Variants in PALM observed in about 807,000 individuals in gnomAD.
The protein encoded by PALM is paralemmin, also known as paralemmin-1.
In PALM, 18 loss-of-function variants were observed where a neutral mutation model predicts 30.7. That is an observed-to-expected ratio of 0.59 (90% CI 0.41 to 0.87). The LOEUF (loss-of-function observed/expected upper bound fraction) is 0.87. Ranked by LOEUF, PALM falls within the 40% of genes least tolerant of loss-of-function variation. The pLI is 0.00. For synonymous variants in PALM, 286 were observed against 242.8 expected (o/e 1.18, Z -1.66); for missense variants, 529 against 555.4 (o/e 0.95, Z 0.48).
In PALM at chr19:746,731, C is replaced by G; in HGVS notation, c.1081C>G (p.Gln361Glu). ...PTEAASREENQAGPEATTSDP... is the reference protein window; with the variant it reads ...PTEAASREENEAGPEATTSDP... ...GGAGGCCGCCTCCAGGGAAGAGAAT[C>G]AGGCGGGGCCCGAGGCCACCACCAG... Residue 361 changes from glutamine (Q) to glutamate (E), a missense_variant, in exon 9 of 9, where the codon CAG (glutamine) becomes GAG (glutamate). Physicochemically the swap from Gln to Glu is conservative, Grantham distance 29. Coordinates refer to ENST00000338448, the MANE Select transcript of PALM (RefSeq NM_002579.3). This position sits in a 1 kb window ranked among gnomAD's most constrained non-coding sequence, Gnocchi z 7.1. 1 of 1,603,698 alleles carries G rather than the reference C, an allele frequency of 6.2e-7. No individual in the cohort carries two copies.
rs142619819 is a variant in PALM, at chr19:746,586, C to A, written c.936C>A (p.Ala312=). The change falls in exon 9 of 9, where the codon GCC becomes GCA. Residue 312 remains alanine, a synonymous_variant. Transcript: ENST00000338448. The surrounding 1 kb of genome is among the most constrained non-coding windows in gnomAD (Gnocchi z 7.1). The part of the protein sequence containing the change: ...FMGYQNVEDE[A]ETKKVLGLQD... ...GTTACCAGAACGTGGAGGATGAGGC[C>A]GAGACCAAGAAGGTGCTGGGCCTTC... 2 of 1,613,380 alleles carry A rather than the reference C, an allele frequency of 1.2e-6. No individual in the cohort carries two copies.
intron 4 of PALM, among the ~76,000 whole-genome samples, chr19:728,481 C>A (rs527462864): frequency 2.0e-5 from 3 of 152,256 alleles, no homozygotes; most frequent in East Asian, 1.9e-4. Context: ...TGGGGGTGTT[C>A]GGGATGGACT....
rs1190614621 is a variant in PALM at position 746,243 on chromosome 19, C to T, written c.635-42C>T. The T allele has an allele frequency of 6.4e-7, 1 of 1,568,380 alleles. No individual in the cohort carries two copies. Among genetic ancestry groups the T allele is most frequent in the Middle Eastern group, 1.7e-4 (1 of 5,904 alleles). On this transcript the variant is annotated intron_variant, in intron 8 of 8. Transcript: ENST00000338448. This position sits in a 1 kb window ranked among gnomAD's most constrained non-coding sequence, Gnocchi z 7.1. ...AGCCAGGTCACTCTCTCTGTCCCTCCTGCCTGGAGCTGGGTCATTCTCTCT... is the reference window on the plus strand; with the variant it reads ...AGCCAGGTCACTCTCTCTGTCCCTCTTGCCTGGAGCTGGGTCATTCTCTCT...
intron 5 of PALM, among the ~76,000 whole-genome samples, chr19:733,746 G>A (rs996325354): frequency 3.3e-5 from 5 of 152,192 alleles, no homozygotes; most frequent in African/African-American, 9.7e-5. Flanking sequence ...CGGCACTTTG[G>A]GAGGCCGAGG....
intron 1 of PALM, among the ~76,000 whole-genome samples, chr19:715,875 A>G (rs1290864384): frequency 6.6e-6 from 1 of 152,104 alleles, no homozygotes; most frequent in Admixed American, 6.6e-5. Context: ...GCCCACAGGG[A>G]CGGGGCTCCC....
intron 1 of PALM, among the ~76,000 whole-genome samples, chr19:723,503 C>A (rs2032562719): frequency 6.6e-6 from 1 of 152,254 alleles, no homozygotes; most frequent in South Asian, 2.1e-4. Flanking sequence ...GCTGCAACAG[C>A]CTTGGAAGCC....
intron 7 of PALM, among the ~76,000 whole-genome samples, chr19:738,624 G>C (rs144954508): frequency 6.6e-6 from 1 of 152,294 alleles, no homozygotes; most frequent in Non-Finnish European, 1.5e-5. Flanking sequence ...TGTTATGGAC[G>C]TGTGAGAGTG....
chr19:731,192 C>T lies in PALM; in HGVS notation c.367C>T (p.Pro123Ser), dbSNP rs897029700. ...CCCGAGCCCAGTCCGGGCCCCAGCC[C>T]CGAGTCCAGCCAAGGAGGAGCGCAA... is the stretch of plus-strand genomic sequence containing the variant. Reference protein sequence around the residue: ...AAPSPVRAPAPSPAKEERKTE... With the variant: ...AAPSPVRAPASSPAKEERKTE... Residue 123 changes from proline to serine, a missense_variant, in exon 5 of 9, where the codon CCG (proline) becomes TCG (serine). Transcript: ENST00000338448. 1 of 1,611,318 alleles carries T rather than the reference C, an allele frequency of 6.2e-7. No individual in the cohort carries two copies. The highest frequency in any genetic ancestry group is 8.5e-7 in the Non-Finnish European group (1 of 1,179,320).
chr19:712,764 C>G (rs1400794114), intron 1 of PALM, among the ~76,000 whole-genome samples: 1 of 151,606 alleles, frequency 6.6e-6, no homozygotes, highest in Non-Finnish European at 1.5e-5. Context: ...CAACCTCTGC[C>G]TCCTGGGTTC....
At chr19:743,955 G>C (rs2033262344) in intron 8 of PALM, among the ~76,000 whole-genome samples, 1 of 152,202 alleles carries the variant, frequency 6.6e-6, no homozygotes, top group Admixed American at 6.5e-5. Flanking sequence ...CGTGGCCCAG[G>C]CTGCCAAGGA....
At position 746,588 on chromosome 19, in the gene PALM, A is replaced by G; in HGVS notation, c.938A>G (p.Glu313Gly). 1.9e-6 allele frequency: 3 copies of G among 1,613,392 alleles called. No homozygotes were observed. The highest frequency in any genetic ancestry group is 1.6e-4 in the Middle Eastern group (1 of 6,062). ...TACCAGAACGTGGAGGATGAGGCCG[A>G]GACCAAGAAGGTGCTGGGCCTTCAA... Reference protein sequence around the residue: ...MGYQNVEDEAETKKVLGLQDT... With the variant: ...MGYQNVEDEAGTKKVLGLQDT... Residue 313 changes from glutamate to glycine, a missense_variant, in exon 9 of 9, where the codon GAG becomes GGG. Glu to Gly is a moderately conservative substitution (Grantham distance 98, BLOSUM62 -2). Transcript: ENST00000338448. This position sits in a 1 kb window ranked among gnomAD's most constrained non-coding sequence, Gnocchi z 7.1.
Position 709,921 on chromosome 19 carries a change from G to T in PALM, c.5+770G>T, listed in dbSNP as rs2032017144. Among the ~76,000 whole-genome samples, 3 of 152,006 alleles carry T rather than the reference G, an allele frequency of 2.0e-5. No individual in the cohort carries two copies. Among genetic ancestry groups the T allele is most frequent in the Admixed American group, 2.0e-4 (3 of 15,276 alleles). On this transcript the variant is annotated intron_variant, in intron 1 of 8. Coordinates refer to ENST00000338448, the MANE Select transcript of PALM (RefSeq NM_002579.3). This position sits in a 1 kb window ranked among gnomAD's most constrained non-coding sequence, Gnocchi z 4.3. Reference sequence around the variant, plus strand: ...CTGCGCCTGTGTGTGTGGGGGGGGGGTGGCCAGTGGAGGCACCGAGCGAGG... The same window carrying T: ...CTGCGCCTGTGTGTGTGGGGGGGGGTTGGCCAGTGGAGGCACCGAGCGAGG...
At chr19:743,052 C>G (rs746268140) in intron 8 of PALM, among the ~76,000 whole-genome samples, 2 of 152,100 alleles carry the variant, frequency 1.3e-5, no homozygotes, top group Non-Finnish European at 2.9e-5. Context: ...CACCAGCGCT[C>G]GTAGCCCATT....
intron 4 of PALM, among the ~76,000 whole-genome samples, chr19:728,807 T>C (rs1479653933): frequency 6.6e-6 from 1 of 151,710 alleles, no homozygotes; most frequent in Admixed American, 6.6e-5. Flanking sequence ...ATCGAGACCA[T>C]CCTGGCTAAC....
intron 4 of PALM, among the ~76,000 whole-genome samples, chr19:729,710 C>T (rs375879102): frequency 5.9e-5 from 9 of 152,164 alleles, no homozygotes; most frequent in East Asian, 3.9e-4. Flanking sequence ...GATCCGCCCG[C>T]CTCTGCCTTC....
rs765205567 is a variant in PALM, at chr19:740,435, C to T, written c.586C>T (p.Arg196Trp). The part of the protein sequence containing the change: ...RVLSSTTLLP[R>W]QPLPLGIKVY... ...GCTGTCCAGCACCACGCTGCTCCCT[C>T]GGCAGCCGCTCCCTCTGGGCATCAA... The change falls in exon 8 of 9, where the codon CGG (arginine) becomes TGG (tryptophan). Residue 196 changes from arginine to tryptophan, a missense_variant. Coordinates refer to ENST00000338448, the MANE Select transcript of PALM (RefSeq NM_002579.3). The T allele has an allele frequency of 9.0e-6, 14 of 1,552,730 alleles. No individual in the cohort carries two copies. Among genetic ancestry groups the T allele is most frequent in the African/African-American group, 8.2e-5 (6 of 73,162 alleles).
chr19:714,545 A>G (rs185573641), intron 1 of PALM, among the ~76,000 whole-genome samples: 2,421 of 146,706 alleles, frequency 0.017, 58 homozygotes, highest in African/African-American at 0.058. Flanking sequence ...TTTTTAGTAG[A>G]GATGGGGTTT....
At chr19:729,385 C>T (rs528953039) in intron 4 of PALM, among the ~76,000 whole-genome samples, 22 of 151,074 alleles carry the variant, frequency 1.5e-4, no homozygotes, top group African/African-American at 4.9e-4. Flanking sequence ...TTGGAATGAG[C>T]CGAGTGTTAC....
rs1424566777 is a variant in PALM at position 742,653 on chromosome 19, C to T, written c.634+2170C>T. Among the ~76,000 whole-genome samples the T allele has an allele frequency of 6.6e-6, 1 of 151,656 alleles. No individual in the cohort carries two copies. The highest frequency in any genetic ancestry group is 1.9e-4 in the East Asian group (1 of 5,174). ...AGAGAATAAATGGGGTCACACACTG[C>T]ACGTGGCCTTCTGTGTCTGGCGTCT... On this transcript the variant is annotated intron_variant, in intron 8 of 8. Transcript: ENST00000338448. This position sits in a 1 kb window ranked among gnomAD's most constrained non-coding sequence, Gnocchi z 5.5.
Sources: allele counts gnomAD v4.1 joint callset (sites outside exome capture counted in the v4.1 genomes callset), GRCh38; gene constraint gnomAD v4.1.1; non-coding constraint Gnocchi (gnomAD v3.1); transcripts MANE v1.5; gene names NCBI Gene and HGNC (gene_info 2026-07-23, HGNC 2026-07-21).